The following TBX2 variants were observed in gnomAD, a reference collection of about 807,000 sequenced individuals.
The protein encoded by TBX2 is T-box transcription factor 2.
A neutral mutation model predicts 48.4 loss-of-function variants in TBX2; 19 were observed. The ratio of observed to expected loss-of-function variants is 0.39; its 90% CI spans 0.27 to 0.58. TBX2 has a LOEUF of 0.58. Ranked by LOEUF, TBX2 falls within the 20% of genes least tolerant of loss-of-function variation. The pLI is 0.54. For synonymous variants in TBX2, 522 were observed against 459.7 expected (o/e 1.14, Z -1.73); for missense variants, 994 against 1,006.5 (o/e 0.99, Z 0.17).
In TBX2 at chr17:61,400,664, C is replaced by T. The variant is rs960553874; in HGVS notation, c.395+93C>T. 2 of 1,181,382 alleles carry T rather than the reference C, an allele frequency of 1.7e-6. No individual in the cohort carries two copies. The highest frequency in any genetic ancestry group is 1.6e-5 in the African/African-American group (1 of 62,646). The allele number at this position is 1,181,382 out of a possible 1,614,324, so 73.2% of individuals were successfully genotyped here. ...TCAGAGCAGAGCTGGGGACTCCCGGCTCCCGGCTCCCGGCTCCAGGTTCTG... is the reference window on the plus strand; with the variant it reads ...TCAGAGCAGAGCTGGGGACTCCCGGTTCCCGGCTCCCGGCTCCAGGTTCTG... On this transcript the variant is annotated intron_variant, in intron 1 of 6. Coordinates refer to ENST00000240328, the MANE Select transcript of TBX2 (RefSeq NM_005994.4). The surrounding 1 kb of genome is among the most constrained non-coding windows in gnomAD (Gnocchi z 9.2).
rs1278938634 is a variant in TBX2, at chr17:61,408,246, C to G, written c.1879C>G (p.Pro627Ala). 1.9e-6 allele frequency: 3 copies of G among 1,612,880 alleles called. No homozygotes were observed. Among genetic ancestry groups the G allele is most frequent in the South Asian group, 1.1e-5 (1 of 91,084 alleles). ...PRLRFSPYQI[P>A]VTIPPSTSLL... is the part of the protein sequence containing the mutation. ...ACTGCGTTTCAGCCCCTATCAGATCCCGGTCACCATCCCGCCTAGCACTAG... is the reference window on the plus strand; with the variant it reads ...ACTGCGTTTCAGCCCCTATCAGATCGCGGTCACCATCCCGCCTAGCACTAG... The change falls in exon 7 of 7, where the codon CCG becomes GCG. Residue 627 changes from proline (P) to alanine (A), a missense_variant. Physicochemically the swap from Pro to Ala is conservative, Grantham distance 27 (BLOSUM62 -1). Transcript: ENST00000240328.
At position 61,400,223 on chromosome 17, in the gene TBX2, TC is replaced by T; in HGVS notation, c.49del (p.His17ThrfsTer91). ...LAASAMAYHP[F>X]HAPRPADFPM... ...GCCAGCGCCATGGCTTACCACCCGT[TC>T]CACGCGCCACGGCCCGCCGACTTCC... On this transcript the variant is annotated frameshift_variant, in exon 1 of 7. Coordinates refer to ENST00000240328, the MANE Select transcript of TBX2 (RefSeq NM_005994.4). LOFTEE classifies it high-confidence loss of function. The surrounding 1 kb of genome is among the most constrained non-coding windows in gnomAD (Gnocchi z 9.2). The T allele has an allele frequency of 8.2e-7, 1 of 1,218,072 alleles. No individual in the cohort carries two copies. Among genetic ancestry groups the T allele is most frequent in the South Asian group, 1.5e-5 (1 of 66,492 alleles). 75.5% of individuals were successfully genotyped at this position (1,218,072 alleles called of 1,614,324 possible).
chr17:61,405,311 C>T lies in TBX2; in HGVS notation c.1161C>T (p.Pro387=), dbSNP rs532371382. 1.0e-5 allele frequency: 16 copies of T among 1,553,188 alleles called. No homozygotes were observed. In the South Asian group the frequency reaches 1.3e-4, roughly 13 times the overall value. The change falls in exon 6 of 7, where the codon CCC becomes CCT. Residue 387 remains proline (P), a synonymous_variant. Coordinates refer to ENST00000240328, the MANE Select transcript of TBX2 (RefSeq NM_005994.4). ...GRSPAPDSAS[P]TRLTEPERAR... ...GCCCGGCTCCAGACAGCGCCAGCCC[C>T]ACTCGCTTGACCGAACCCGAGCGCG...
At chr17:61,402,624 A>G (rs1218952054) in intron 2 of TBX2, among the ~76,000 whole-genome samples, 1 of 152,088 alleles carries the variant, frequency 6.6e-6, no homozygotes, top group Non-Finnish European at 1.5e-5. Context: ...TTGTGGGGTT[A>G]GGGGGTTTAC....
In TBX2 at chr17:61,404,753, C is replaced by T. The variant is rs761706243; in HGVS notation, c.1035C>T (p.Arg345=). The change falls in exon 5 of 7, where the codon CGC becomes CGT. Residue 345 remains arginine, a synonymous_variant. Coordinates refer to ENST00000240328, the MANE Select transcript of TBX2 (RefSeq NM_005994.4). ...CGGGCGCAGCGCCCAGTCCGCTGCG[C>T]CTGCACCGGGCCCGAGGTGAGGGTC... ...TSPGAAPSPL[R]LHRARAEEKS... 6 of 1,548,688 alleles carry T rather than the reference C, an allele frequency of 3.9e-6. No homozygotes were observed. The highest frequency in any genetic ancestry group is 5.2e-6 in the Non-Finnish European group (6 of 1,149,642).
chr17:61,402,724 T>G (rs1223192423), intron 2 of TBX2, among the ~76,000 whole-genome samples: 1 of 152,002 alleles, frequency 6.6e-6, no homozygotes, highest in Non-Finnish European at 1.5e-5. Context: ...GGGGAGGGGT[T>G]GTTTTTTGGT....
intron 3 of TBX2, among the ~76,000 whole-genome samples, chr17:61,404,155 T>G (rs1221135483): frequency 6.6e-6 from 1 of 152,136 alleles, no homozygotes; most frequent in African/African-American, 2.4e-5. Flanking sequence ...TCCGACACTG[T>G]GGCACTGCTT....
chr17:61,402,974 G>GAGAGAGAGAGAGAGAGAGAGAGAGAGT, intron 2 of TBX2, 87 bp from the exon 3 acceptor site: 1 of 1,236,018 alleles, frequency 8.1e-7, no homozygotes, highest in Non-Finnish European at 1.1e-6. Flanking sequence ...GAGAGAGAAA[G>GAGAGAGAGAGAGAGAGAGAGAGAGAGT]TGGAGAGGAA....
intron 5 of TBX2, 65 bp from the exon 6 acceptor site, chr17:61,405,137 T>G: frequency 6.7e-7 from 1 of 1,481,564 alleles, no homozygotes; most frequent in Non-Finnish European, 8.9e-7. Flanking sequence ...CCTTCCCGAG[T>G]GTCCCTGATC....
Position 61,403,148 on chromosome 17 carries a change from C to A in TBX2, c.751C>A (p.Arg251Ser). 1 of 1,613,800 alleles carries A rather than the reference C, an allele frequency of 6.2e-7. No homozygotes were observed. The highest frequency in any genetic ancestry group is 8.5e-7 in the Non-Finnish European group (1 of 1,180,008). ...DILKLPYSTFRTYVFPETDFI... is the reference protein window; with the variant it reads ...DILKLPYSTFSTYVFPETDFI... ...CCTGAAGCTGCCTTACAGCACCTTC[C>A]GCACCTACGTGTTCCCGGAGACCGA... Residue 251 changes from arginine to serine, a missense_variant, in exon 3 of 7, where the codon CGC becomes AGC. By Grantham distance (110) the Arg-to-Ser change is moderately radical (BLOSUM62 -1). Around this residue, in one of 5 missense-constraint regions of TBX2, gnomAD observed 153 missense variants for 166.2 expected, o/e 0.92. Coordinates refer to ENST00000240328, the MANE Select transcript of TBX2 (RefSeq NM_005994.4). The surrounding 1 kb of genome is among the most constrained non-coding windows in gnomAD (Gnocchi z 5.8).
rs747662194 is a variant in TBX2 at position 61,405,844 on chromosome 17, C to T, written c.1686+8C>T. 5.2e-5 allele frequency: 67 copies of T among 1,300,594 alleles called. No individual in the cohort carries two copies. The highest frequency in any genetic ancestry group is 1.6e-4 in the South Asian group (5 of 32,112). 80.6% of individuals were successfully genotyped at this position (1,300,594 alleles called of 1,614,324 possible). A position where few individuals can be genotyped will look rare whatever the true frequency, so the allele number is the denominator to read the frequency against. ...CACATGCTGGCATCTCAGGTAAGGC[C>T]TGTGACCCCGCGGCAGCGCCAGCGA... is the stretch of plus-strand genomic sequence containing the variant. On this transcript the variant is annotated splice_region_variant and intron_variant, in intron 6 of 6. Coordinates refer to ENST00000240328, the MANE Select transcript of TBX2 (RefSeq NM_005994.4).
rs2060257618 is a variant in TBX2, at chr17:61,400,173, C to G, written c.-4C>G. On this transcript the variant is annotated 5_prime_UTR_variant, in exon 1 of 7. Transcript: ENST00000240328. The surrounding 1 kb of genome is among the most constrained non-coding windows in gnomAD (Gnocchi z 9.2). ...GCCCCCGGGCGCCTGGGCCGGATGT[C>G]CCGATGAGAGAGCCGGCGCTGGCGG... is the stretch of plus-strand genomic sequence containing the variant. 1.8e-6 allele frequency: 2 copies of G among 1,104,172 alleles called. No individual in the cohort carries two copies. The highest frequency in any genetic ancestry group is 1.7e-5 in the African/African-American group (1 of 59,342). 68.4% of individuals were successfully genotyped at this position (1,104,172 alleles called of 1,614,324 possible).
intron 1 of TBX2, 93 bp from the exon 2 acceptor site, chr17:61,401,591 G>A: frequency 6.8e-7 from 1 of 1,480,974 alleles, no homozygotes; most frequent in Non-Finnish European, 9.0e-7. Flanking sequence ...GCAGCGGTGT[G>A]CGCAACGAGG....
intron 1 of TBX2, 37 bp from the exon 2 acceptor site, chr17:61,401,647 G>A (rs757847686): frequency 1.3e-6 from 2 of 1,587,584 alleles, no homozygotes; most frequent in South Asian, 1.1e-5. Context: ...TAGAACAGCC[G>A]GTTCCAATGG....
At chr17:61,404,334 C>T (rs545044126) in intron 3 of TBX2, 87 bp from the exon 4 acceptor site, 3 of 1,456,062 alleles carry the variant, frequency 2.1e-6, no homozygotes, top group African/African-American at 1.4e-5. Context: ...CTTCCCTCTG[C>T]GGCCAGCACC....
In TBX2 at chr17:61,408,531, C is replaced by T; in HGVS notation, c.*25C>T. 1.4e-6 allele frequency: 2 copies of T among 1,429,564 alleles called. No homozygotes were observed. The highest frequency in any genetic ancestry group is 1.8e-6 in the Non-Finnish European group (2 of 1,093,456). The allele number at this position is 1,429,564 out of a possible 1,614,324, so 88.6% of individuals were successfully genotyped here. ...AGGGGCTGCCCAGCTGCTCCCCTGC[C>T]ACGCAGGCCACCCGGGCTGCCTGCC... On this transcript the variant is annotated 3_prime_UTR_variant, in exon 7 of 7. Coordinates refer to ENST00000240328, the MANE Select transcript of TBX2 (RefSeq NM_005994.4).
chr17:61,405,808 ACCTCTCCCAGCAC>A lies in TBX2; in HGVS notation c.1659_1671del (p.His553GlnfsTer111). ...AGCACCGCCGCGCCCTTCCCGTTCC[ACCTCTCCCAGCAC>A]ATGCTGGCATCTCAGGTAAGGCCTG... On this transcript the variant is annotated frameshift_variant, in exon 6 of 7. Transcript: ENST00000240328. LOFTEE classifies it high-confidence loss of function. 7.5e-7 allele frequency: 1 copy of A among 1,324,928 alleles called. No homozygotes were observed. The allele number at this position is 1,324,928 out of a possible 1,614,324, so 82.1% of individuals were successfully genotyped here.
chr17:61,408,087 C>G lies in TBX2; in HGVS notation c.1720C>G (p.Pro574Ala). 1 of 1,605,174 alleles carries G rather than the reference C, an allele frequency of 6.2e-7. No individual in the cohort carries two copies. Among genetic ancestry groups the G allele is most frequent in the Non-Finnish European group, 8.5e-7 (1 of 1,175,996 alleles). Residue 574 changes from proline to alanine, a missense_variant, in exon 7 of 7, where the codon CCC becomes GCC. Pro to Ala is a conservative substitution (Grantham distance 27). Around this residue, in one of 5 missense-constraint regions of TBX2, gnomAD observed 639 missense variants for 613.2 expected, o/e 1.04. Transcript: ENST00000240328. ...AATGCCCACTTTCGGAGGCCTCTTC[C>G]CCTACCCCTACACCTACATGGCAGC... ...IPMPTFGGLF[P>A]YPYTYMAAAA...
rs769827285 is a variant in TBX2, at chr17:61,408,330, G to A, written c.1963G>A (p.Glu655Lys). The stretch of plus-strand genomic sequence containing the variant: ...CAAGGCCGCTGGTGGAAACAGCCGG[G>A]AGCCTAGCCCCCTGCCCGAGCTGGC... Reference protein sequence around the residue: ...GSKAAGGNSREPSPLPELALR... With the variant: ...GSKAAGGNSRKPSPLPELALR... Residue 655 changes from glutamate (E) to lysine (K), a missense_variant, in exon 7 of 7, where the codon GAG becomes AAG. Glu to Lys is a moderately conservative substitution (Grantham distance 56). Around this residue, in one of 5 missense-constraint regions of TBX2, gnomAD observed 639 missense variants for 613.2 expected, o/e 1.04. Transcript: ENST00000240328. 1.9e-6 allele frequency: 3 copies of A among 1,607,850 alleles called. No homozygotes were observed. The highest frequency in any genetic ancestry group is 2.5e-6 in the Non-Finnish European group (3 of 1,177,900).
Sources: allele counts gnomAD v4.1 joint callset (sites outside exome capture counted in the v4.1 genomes callset), GRCh38; gene constraint gnomAD v4.1.1; regional missense constraint gnomAD v4.1.1; non-coding constraint Gnocchi (gnomAD v3.1); transcripts MANE v1.5; gene names NCBI Gene and HGNC (gene_info 2026-07-23, HGNC 2026-07-21).